The following ARMH4 variants were observed in gnomAD, a reference collection of about 807,000 sequenced individuals.
The protein encoded by ARMH4 is armadillo like helical domain containing 4.
In ARMH4, 49 loss-of-function variants were observed where a neutral mutation model predicts 61.9. That is an observed-to-expected ratio of 0.79 (90% confidence interval 0.63 to 1.00). The LOEUF (loss-of-function observed/expected upper bound fraction) is 1.00. Ranked by LOEUF, ARMH4 falls within the 50% of genes least tolerant of loss-of-function variation. The pLI, the probability that ARMH4 is intolerant of heterozygous loss-of-function variation, is 0.00. For missense variants in ARMH4, 934 were observed against 930.0 expected (o/e 1.00, Z -0.06); for synonymous variants, 368 against 341.5 (o/e 1.08, Z -0.85).
chr14:58,009,827 AAG>A (rs1325956245), intron 6 of ARMH4, among the ~76,000 whole-genome samples: 2,441 of 131,658 alleles, frequency 0.019, 213 homozygotes, highest in African/African-American at 0.024. Flanking sequence ...AAAAAAAAAA[AAG>A]AGAGAGAGAG....
intron 4 of ARMH4, among the ~76,000 whole-genome samples, chr14:58,127,633 T>A (rs1355906015): frequency 6.6e-6 from 1 of 152,148 alleles, no homozygotes; most frequent in Non-Finnish European, 1.5e-5. Context: ...AGATATTAAA[T>A]AAGACCAATC....
At chr14:58,131,359 AAG>A in intron 4 of ARMH4, 151 bp downstream of exon 4, 1 of 551,738 alleles carries the variant, frequency 1.8e-6, no homozygotes, top group Non-Finnish European at 3.2e-6. Context: ...ATTCAAAAAC[AAG>A]TGGCAGGCCA....
At chr14:58,029,292 G>A (rs192209677) in intron 5 of ARMH4, among the ~76,000 whole-genome samples, 2 of 151,880 alleles carry the variant, frequency 1.3e-5, no homozygotes, top group East Asian at 1.9e-4. Flanking sequence ...GGAGTGCAAT[G>A]GCGCAATCTC....
At chr14:58,060,790 T>C (rs1489175632) in intron 5 of ARMH4, among the ~76,000 whole-genome samples, 1 of 152,154 alleles carries the variant, frequency 6.6e-6, no homozygotes, top group Non-Finnish European at 1.5e-5. Context: ...GGCACAGGGC[T>C]TTTCACGGTG....
chr14:58,068,570 C>G (rs765071415), intron 5 of ARMH4, among the ~76,000 whole-genome samples: 1 of 152,164 alleles, frequency 6.6e-6, no homozygotes, highest in East Asian at 1.9e-4. Flanking sequence ...TTCAGAGTAC[C>G]AGGAAAAGAG....
rs377739197 is a variant in ARMH4 at position 58,138,585 on chromosome 14, C to G, written c.774G>C (p.Ser258=). The change falls in exon 2 of 8, where the codon TCG becomes TCC. Residue 258 remains serine, a synonymous_variant. Coordinates refer to ENST00000267485, the MANE Select transcript of ARMH4 (RefSeq NM_001001872.4). The part of the protein sequence containing the change: ...GSLTPDKEKP[S]QMTADNTQAA... ...CCTGGGTGTTATCAGCTGTCATCTGCGAAGGCTTCTCCTTATCAGGGGTGA... is the reference window on the plus strand; with the variant it reads ...CCTGGGTGTTATCAGCTGTCATCTGGGAAGGCTTCTCCTTATCAGGGGTGA... The G allele has an allele frequency of 1.9e-6, 3 of 1,614,182 alleles. No individual in the cohort carries two copies. Among genetic ancestry groups the G allele is most frequent in the Non-Finnish European group, 2.5e-6 (3 of 1,180,028 alleles).
intron 4 of ARMH4, among the ~76,000 whole-genome samples, chr14:58,102,459 G>C (rs762040196): frequency 2.6e-5 from 4 of 152,274 alleles, no homozygotes; most frequent in South Asian, 4.1e-4. Flanking sequence ...TAAAGATCTT[G>C]AGATGAAATA....
intron 5 of ARMH4, among the ~76,000 whole-genome samples, chr14:58,092,772 A>G (rs1319542773): frequency 1.3e-5 from 2 of 151,580 alleles, no homozygotes; most frequent in Non-Finnish European, 1.5e-5. Context: ...AGCCCACCCA[A>G]TAATCCAGGA....
intron 6 of ARMH4, among the ~76,000 whole-genome samples, chr14:58,010,551 A>G (rs1157150248): frequency 6.6e-6 from 1 of 152,126 alleles, no homozygotes; most frequent in Admixed American, 6.5e-5. Context: ...TGAAAAAAAT[A>G]CTACGGAAGA....
intron 4 of ARMH4, among the ~76,000 whole-genome samples, chr14:58,097,553 A>G (rs1168588171): frequency 6.6e-6 from 1 of 152,220 alleles, no homozygotes; most frequent in Non-Finnish European, 1.5e-5. Context: ...TTGCATCAAC[A>G]TTCTCAATCC....
intron 5 of ARMH4, among the ~76,000 whole-genome samples, chr14:58,054,591 T>C (rs957849467): frequency 6.6e-6 from 1 of 151,962 alleles, no homozygotes; most frequent in Non-Finnish European, 1.5e-5. Flanking sequence ...GCATTGAAAA[T>C]TTGGATATAA....
At chr14:58,032,843 C>A (rs1035975203) in intron 5 of ARMH4, among the ~76,000 whole-genome samples, 3 of 152,126 alleles carry the variant, frequency 2.0e-5, no homozygotes, top group Non-Finnish European at 1.5e-5. Flanking sequence ...GCTTTTCAGA[C>A]CGGCTTAACA....
At position 58,001,522 on chromosome 14, in the gene ARMH4, C is replaced by G. The variant is rs562824511; in HGVS notation, c.*3214G>C. ...GCTATCCATTTTACATTCCCACCCA[C>G]AGTATACAAGGATTCCAATTTCTCC... On this transcript the variant is annotated 3_prime_UTR_variant, in exon 8 of 8. Transcript: ENST00000267485. 1 of 152,282 alleles carries G rather than the reference C, an allele frequency of 6.6e-6. No individual in the cohort carries two copies. The highest frequency in any genetic ancestry group is 1.9e-4 in the East Asian group (1 of 5,182). 9.4% of individuals were successfully genotyped at this position (152,282 alleles called of 1,614,324 possible).
chr14:58,006,796 A>AAG (rs1882188800), intron 6 of ARMH4, among the ~76,000 whole-genome samples: 1 of 151,738 alleles, frequency 6.6e-6, no homozygotes, highest in Non-Finnish European at 1.5e-5. Context: ...GCATTAGGAG[A>AAG]TACACCTAAT....
chr14:58,049,033 C>T lies in ARMH4; in HGVS notation c.2090-36883G>A, dbSNP rs188026695. 4.1e-4 allele frequency among the ~76,000 whole-genome samples: 62 copies of T among 151,974 alleles called. No individual in the cohort carries two copies. In the East Asian group the frequency reaches 0.01, roughly 25 times the overall value. On this transcript the variant is annotated intron_variant, in intron 5 of 7. Transcript: ENST00000267485. ...AGGGCGGATCATGAGGTCAGGAGAT[C>T]GAGACCATCCTGGCTAACATGGTGA...
At chr14:58,050,938 T>C (rs1406648312) in intron 5 of ARMH4, among the ~76,000 whole-genome samples, 2 of 152,092 alleles carry the variant, frequency 1.3e-5, no homozygotes, top group Non-Finnish European at 1.5e-5. Context: ...TGTGACATTA[T>C]GTCACAAATA....
At chr14:58,106,992 C>T (rs1458335425) in intron 4 of ARMH4, among the ~76,000 whole-genome samples, 1 of 152,142 alleles carries the variant, frequency 6.6e-6, no homozygotes. Flanking sequence ...TAACTCTCAA[C>T]AAAATCAATA....
intron 7 of ARMH4, 77 bp downstream of exon 7, chr14:58,004,971 G>A (rs575248522): frequency 4.8e-5 from 76 of 1,586,418 alleles, no homozygotes; most frequent in South Asian, 8.9e-5. Flanking sequence ...ATTAAACCCC[G>A]TGTGCTTTAT....
At chr14:58,086,529 CA>C (rs1885386862) in intron 5 of ARMH4, among the ~76,000 whole-genome samples, 1 of 152,034 alleles carries the variant, frequency 6.6e-6, no homozygotes, top group African/African-American at 2.4e-5. Flanking sequence ...CCATGTTTTC[CA>C]CAAATTAACC....
Sources: gnomAD v4.1 joint callset for allele counts (sites outside exome capture counted in the v4.1 genomes callset) on GRCh38, gnomAD v4.1.1 for gene constraint, MANE v1.5 for transcripts, NCBI Gene and HGNC (gene_info 2026-07-23, HGNC 2026-07-21) for gene names.